Variants in C8orf34 observed in about 807,000 individuals in gnomAD.
The protein encoded by C8orf34 is chromosome 8 open reading frame 34.
A neutral mutation model predicts 68.3 loss-of-function variants in C8orf34; 65 were observed. That is an observed-to-expected ratio of 0.95 (90% CI 0.78 to 1.17). C8orf34 has a LOEUF of 1.17. Ranked by LOEUF, C8orf34 falls within the 50% of genes most tolerant of loss-of-function variation. The pLI, the probability that C8orf34 is intolerant of heterozygous loss-of-function variation, is 0.00. For missense variants in C8orf34, 664 were observed against 655.4 expected, an observed-to-expected ratio of 1.01 and a Z score of -0.14; for synonymous variants, 244 against 241.2, an observed-to-expected ratio of 1.01 and a Z score of -0.11.
chr8:68,331,107 C>A lies in C8orf34; in HGVS notation c.95C>A (p.Ala32Asp), dbSNP rs1324980507. ...SAPHARVAPR[A>D]ATHARGRGRA... ...CCCCACGCGCGCGTGGCTCCCCGGGCTGCCACCCACGCCCGCGGCCGGGGC... is the reference window on the plus strand; with the variant it reads ...CCCCACGCGCGCGTGGCTCCCCGGGATGCCACCCACGCCCGCGGCCGGGGC... The change falls in exon 1 of 14, where the codon GCT becomes GAT. Residue 32 changes from alanine (A) to aspartate (D), a missense_variant. By Grantham distance (126) the Ala-to-Asp change is moderately radical. Coordinates refer to ENST00000518698, the MANE Select transcript of C8orf34 (RefSeq NM_052958.4). 1.3e-6 allele frequency: 2 copies of A among 1,498,970 alleles called. No homozygotes were observed. The highest frequency in any genetic ancestry group is 1.8e-6 in the Non-Finnish European group (2 of 1,132,584). 92.9% of individuals were successfully genotyped at this position (1,498,970 alleles called of 1,614,324 possible). A position where few individuals can be genotyped will look rare whatever the true frequency, so the allele number is the denominator to read the frequency against.
intron 7 of C8orf34, among the ~76,000 whole-genome samples, chr8:68,546,297 C>T (rs1815876295): frequency 6.6e-6 from 1 of 151,770 alleles, no homozygotes; most frequent in Admixed American, 6.6e-5. Context: ...GATAAACGAG[C>T]AAAACTTGTA....
chr8:68,630,194 A>G (rs1818650203), intron 7 of C8orf34, among the ~76,000 whole-genome samples: 1 of 152,124 alleles, frequency 6.6e-6, no homozygotes, highest in Admixed American at 6.6e-5. Context: ...GAAACAATGT[A>G]ATAATTTTAA....
chr8:68,576,943 T>C (rs1156724097), intron 7 of C8orf34, among the ~76,000 whole-genome samples: 10 of 152,122 alleles, frequency 6.6e-5, no homozygotes, highest in Admixed American at 6.6e-5. Flanking sequence ...TTCCAAAACA[T>C]TTATATCCTT....
At chr8:68,440,304 T>C (rs1810848031) in intron 2 of C8orf34, among the ~76,000 whole-genome samples, 1 of 152,210 alleles carries the variant, frequency 6.6e-6, no homozygotes, top group Non-Finnish European at 1.5e-5. Context: ...ACTTCTTGTC[T>C]GATTCCCGTA....
chr8:68,596,616 A>T (rs1817553716), intron 7 of C8orf34, among the ~76,000 whole-genome samples: 1 of 152,104 alleles, frequency 6.6e-6, no homozygotes, highest in Non-Finnish European at 1.5e-5. Flanking sequence ...CCTCCATTCC[A>T]ATGGGTACAC....
intron 10 of C8orf34, among the ~76,000 whole-genome samples, chr8:68,752,286 A>G (rs1419533403): frequency 6.6e-6 from 1 of 152,198 alleles, no homozygotes; most frequent in Admixed American, 6.5e-5. Context: ...TTCAAATTCT[A>G]TGAGCCAACA....
intron 5 of C8orf34, among the ~76,000 whole-genome samples, chr8:68,521,374 C>T (rs540179901): frequency 5.3e-5 from 8 of 152,276 alleles, no homozygotes; most frequent in African/African-American, 1.9e-4. Context: ...AGGCAATACA[C>T]CCTTCGAGCC....
chr8:68,568,908 G>A lies in C8orf34; in HGVS notation c.1105+35759G>A, dbSNP rs533975140. Among the ~76,000 whole-genome samples the A allele has an allele frequency of 9.1e-3, 1,246 of 136,808 alleles. 21 individuals carry two copies. Among genetic ancestry groups the A allele is most frequent in the African/African-American group, 0.04 (1,173 of 29,100 alleles). The allele number at this position is 136,808 out of a possible 152,430, so 89.8% of individuals were successfully genotyped here. On this transcript the variant is annotated intron_variant, in intron 7 of 13. Coordinates refer to ENST00000518698, the MANE Select transcript of C8orf34 (RefSeq NM_052958.4). Reference sequence around the variant, plus strand: ...TCTTGCGCTGCACAACTCTGCCATCGTAAACTTGAAATTAGTCACAGATAA... The same window carrying A: ...TCTTGCGCTGCACAACTCTGCCATCATAAACTTGAAATTAGTCACAGATAA...
chr8:68,598,579 T>C (rs1402741814), intron 7 of C8orf34, among the ~76,000 whole-genome samples: 1 of 152,138 alleles, frequency 6.6e-6, no homozygotes, highest in Non-Finnish European at 1.5e-5. Context: ...GAAAAATAGA[T>C]TTCTCTATTA....
chr8:68,630,654 A>G (rs1050083839), intron 7 of C8orf34, among the ~76,000 whole-genome samples: 1 of 152,172 alleles, frequency 6.6e-6, no homozygotes, highest in Non-Finnish European at 1.5e-5. Flanking sequence ...TCATTGAGGA[A>G]TATTTTATAG....
intron 1 of C8orf34, among the ~76,000 whole-genome samples, chr8:68,358,814 T>A (rs950567913): frequency 6.6e-6 from 1 of 152,168 alleles, no homozygotes; most frequent in Non-Finnish European, 1.5e-5. Context: ...CAAGTGATTC[T>A]TGTGCCTCAG....
intron 8 of C8orf34, among the ~76,000 whole-genome samples, chr8:68,669,175 C>T (rs534046406): frequency 1.2e-4 from 19 of 152,060 alleles, no homozygotes; most frequent in African/African-American, 2.7e-4. Flanking sequence ...ATCCTGCTTT[C>T]GATGATGATA....
intron 8 of C8orf34, among the ~76,000 whole-genome samples, chr8:68,664,767 T>C (rs1819788312): frequency 6.6e-6 from 1 of 152,144 alleles, no homozygotes; most frequent in South Asian, 2.1e-4. Context: ...ACAGCAAGTC[T>C]GGCTGCATTC....
chr8:68,466,863 T>G (rs1332470682), intron 3 of C8orf34, among the ~76,000 whole-genome samples: 3 of 151,134 alleles, frequency 2.0e-5, no homozygotes, highest in African/African-American at 7.3e-5. Context: ...CCAGATTACT[T>G]TTTAAAAAGG....
In C8orf34 at chr8:68,397,058, G is replaced by A. The variant is rs143108183; in HGVS notation, c.328-42441G>A. 7.9e-4 allele frequency among the ~76,000 whole-genome samples: 120 copies of A among 151,840 alleles called. 1 individual carries two copies. In the East Asian group the frequency reaches 0.022, roughly 28 times the overall value. ...GTCTCACTCTGTTGCTCAGGCTGGAGTGCAGTGGCACGATCTTGGCTCACC... is the reference window on the plus strand; with the variant it reads ...GTCTCACTCTGTTGCTCAGGCTGGAATGCAGTGGCACGATCTTGGCTCACC... On this transcript the variant is annotated intron_variant, in intron 1 of 13. Transcript: ENST00000518698.
At chr8:68,795,890 A>G (rs1824165437) in intron 12 of C8orf34, among the ~76,000 whole-genome samples, 1 of 152,170 alleles carries the variant, frequency 6.6e-6, no homozygotes, top group East Asian at 1.9e-4. Flanking sequence ...ACTGTCCCTG[A>G]TTGTTTTTGA....
chr8:68,654,951 T>C (rs1819470781), intron 8 of C8orf34, among the ~76,000 whole-genome samples: 1 of 152,150 alleles, frequency 6.6e-6, no homozygotes, highest in South Asian at 2.1e-4. Flanking sequence ...GGGAAATGCG[T>C]CAGCTATAAT....
intron 1 of C8orf34, among the ~76,000 whole-genome samples, chr8:68,337,052 A>T (rs770992121): frequency 2.0e-5 from 3 of 152,230 alleles, no homozygotes; most frequent in Non-Finnish European, 4.4e-5. Flanking sequence ...TAGAAGGATG[A>T]TGGAATTAGA....
chr8:68,670,184 G>C (rs974425236), intron 8 of C8orf34, among the ~76,000 whole-genome samples: 15 of 152,060 alleles, frequency 9.9e-5, no homozygotes, highest in African/African-American at 3.6e-4. Flanking sequence ...TTGGCATTTT[G>C]GTATTCTGAA....
Sources: allele counts gnomAD v4.1 joint callset (sites outside exome capture counted in the v4.1 genomes callset), GRCh38; gene constraint gnomAD v4.1.1; transcripts MANE v1.5; gene names NCBI Gene and HGNC (gene_info 2026-07-23, HGNC 2026-07-21).